ARHGAP26: variants seen among roughly 807,000 people sequenced by gnomAD.
ARHGAP26 encodes Rho GTPase activating protein 26.
In ARHGAP26, 38 loss-of-function variants were observed where a neutral mutation model predicts 104.8. The observed-to-expected ratio is 0.36, with a 90% CI of 0.28 to 0.48. The LOEUF is 0.48. Among genes scored for constraint, ARHGAP26 ranks in the 20% least tolerant of loss-of-function variants. The pLI, the probability that ARHGAP26 is intolerant of heterozygous loss-of-function variation, is 0.99. For missense variants in ARHGAP26, 704 were observed against 947.9 expected, an observed-to-expected ratio of 0.74 and a Z score of 3.38; for synonymous variants, 341 against 340.0, an observed-to-expected ratio of 1.00 and a Z score of -0.03.
intron 12 of ARHGAP26, among the ~76,000 whole-genome samples, chr5:143,015,929 A>T (rs185608474): frequency 9.8e-5 from 15 of 152,370 alleles, no homozygotes; most frequent in Non-Finnish European, 4.4e-5. Flanking sequence ...GAATCCTTAA[A>T]AAAGTGACCA....
intron 11 of ARHGAP26, among the ~76,000 whole-genome samples, chr5:142,992,672 C>T (rs1233330637): frequency 2.0e-5 from 3 of 152,086 alleles, no homozygotes; most frequent in Non-Finnish European, 1.5e-5. Flanking sequence ...CGTGATCCGC[C>T]TGCCTCGCCT....
intron 3 of ARHGAP26, among the ~76,000 whole-genome samples, 158 bp downstream of exon 3, chr5:142,875,329 G>A (rs1416553377): frequency 6.6e-6 from 1 of 152,196 alleles, no homozygotes; most frequent in Non-Finnish European, 1.5e-5. Context: ...GAAGGCTTTT[G>A]TAAATATTAA....
At chr5:142,810,186 A>G (rs1360510547) in intron 1 of ARHGAP26, among the ~76,000 whole-genome samples, 1 of 152,198 alleles carries the variant, frequency 6.6e-6, no homozygotes, top group Non-Finnish European at 1.5e-5. Context: ...GGGCAGGGGA[A>G]CAGATCACAG....
chr5:143,159,064 C>T (rs1345777150), intron 20 of ARHGAP26, among the ~76,000 whole-genome samples: 2 of 152,196 alleles, frequency 1.3e-5, no homozygotes, highest in East Asian at 3.8e-4. Context: ...AGTCACCACC[C>T]TTAGCTGAGA....
At chr5:143,131,245 C>T (rs1478059187) in intron 18 of ARHGAP26, among the ~76,000 whole-genome samples, 2 of 152,154 alleles carry the variant, frequency 1.3e-5, no homozygotes, top group African/African-American at 2.4e-5. Flanking sequence ...ATGGTCCTTC[C>T]TCACCAGTTA....
At chr5:142,812,919 T>C (rs1764381142) in intron 1 of ARHGAP26, among the ~76,000 whole-genome samples, 1 of 150,532 alleles carries the variant, frequency 6.6e-6, no homozygotes, top group African/African-American at 2.5e-5. Flanking sequence ...TCTATATAAT[T>C]TCTTTTTCTT....
At chr5:143,188,888 G>GC (rs1805511269) in intron 20 of ARHGAP26, among the ~76,000 whole-genome samples, 1 of 152,198 alleles carries the variant, frequency 6.6e-6, no homozygotes, top group South Asian at 2.1e-4. Context: ...CCTGCAAATA[G>GC]CTAGAGATGT....
intron 20 of ARHGAP26, among the ~76,000 whole-genome samples, chr5:143,166,603 C>A (rs1023092350): frequency 6.6e-6 from 1 of 152,162 alleles, no homozygotes; most frequent in Admixed American, 6.5e-5. Context: ...TGACCCCTGA[C>A]AGCCCCAGTG....
intron 11 of ARHGAP26, among the ~76,000 whole-genome samples, chr5:142,979,351 A>G (rs1773591591): frequency 6.6e-6 from 1 of 152,170 alleles, no homozygotes. Context: ...AGCTGGTGTC[A>G]GAGTTTTGCT....
intron 20 of ARHGAP26, among the ~76,000 whole-genome samples, chr5:143,162,703 C>G (rs1285653066): frequency 6.6e-6 from 1 of 152,202 alleles, no homozygotes; most frequent in African/African-American, 2.4e-5. Context: ...TGGAGTATGG[C>G]ACCAACTGTT....
chr5:143,053,097 G>A (rs940886294), intron 14 of ARHGAP26, among the ~76,000 whole-genome samples: 2 of 152,102 alleles, frequency 1.3e-5, no homozygotes, highest in African/African-American at 2.4e-5. Context: ...CTGGGTTGTC[G>A]GACTTTCAGG....
chr5:143,195,412 T>A (rs1275952658), intron 20 of ARHGAP26, among the ~76,000 whole-genome samples: 1 of 152,184 alleles, frequency 6.6e-6, no homozygotes, highest in Non-Finnish European at 1.5e-5. Context: ...ATTAAATCTT[T>A]TTCCTCCCCC....
Position 143,133,996 on chromosome 5 carries a change from C to T in ARHGAP26, c.1728C>T (p.Leu576=). Residue 576 remains leucine, a synonymous_variant, in exon 19 of 23, where the codon CTC becomes CTT. Transcript: ENST00000645722. ...KIFNTVPDMP[L]TNAQLHLSRK... is the part of the protein sequence containing the mutation. ...TTAACACCGTGCCCGATATGCCTCT[C>T]ACCAATGCCCAGCTGCACCTGTCTC... The T allele has an allele frequency of 1.9e-6, 3 of 1,612,700 alleles. No homozygotes were observed. The highest frequency in any genetic ancestry group is 2.5e-6 in the Non-Finnish European group (3 of 1,179,252).
At chr5:143,123,490 C>T (rs1296051874) in intron 18 of ARHGAP26, among the ~76,000 whole-genome samples, 3 of 152,212 alleles carry the variant, frequency 2.0e-5, no homozygotes, top group African/African-American at 7.2e-5. Context: ...TAGAACTTAA[C>T]TTTAACCATC....
chr5:143,216,002 G>A (rs540211642), intron 22 of ARHGAP26, among the ~76,000 whole-genome samples: 14 of 152,244 alleles, frequency 9.2e-5, no homozygotes, highest in African/African-American at 2.9e-4. Flanking sequence ...TATTAATTCC[G>A]TGTTTAAGTG....
At chr5:143,005,061 C>G (rs1598589740) in intron 11 of ARHGAP26, among the ~76,000 whole-genome samples, 1 of 152,052 alleles carries the variant, frequency 6.6e-6, no homozygotes, top group Admixed American at 6.6e-5. Context: ...CTATAAAGCA[C>G]AAGTAGGCTT....
chr5:142,794,437 G>C (rs184711078), intron 1 of ARHGAP26, among the ~76,000 whole-genome samples: 6 of 152,182 alleles, frequency 3.9e-5, no homozygotes, highest in Non-Finnish European at 8.8e-5. Context: ...AATTGAGCAC[G>C]GTCATCTGTG....
intron 20 of ARHGAP26, among the ~76,000 whole-genome samples, chr5:143,188,668 G>A (rs1393894372): frequency 6.6e-6 from 1 of 152,208 alleles, no homozygotes; most frequent in Non-Finnish European, 1.5e-5. Flanking sequence ...TTTCAGGTAG[G>A]TATATTTGAA....
chr5:142,911,273 G>A (rs1338641917), intron 9 of ARHGAP26, among the ~76,000 whole-genome samples: 2 of 152,228 alleles, frequency 1.3e-5, no homozygotes, highest in African/African-American at 4.8e-5. Context: ...ACATGGTCTT[G>A]CCTCTGTCAC....
Sources: allele counts gnomAD v4.1 joint callset (sites outside exome capture counted in the v4.1 genomes callset), GRCh38; gene constraint gnomAD v4.1.1; transcripts MANE v1.5; gene names NCBI Gene and HGNC (gene_info 2026-07-23, HGNC 2026-07-21).